Variants in GRIN2B observed in about 807,000 individuals in gnomAD.
GRIN2B encodes glutamate receptor ionotropic, NMDA 2B.
In GRIN2B, 5 loss-of-function variants were observed where a neutral mutation model predicts 114.5. The observed-to-expected ratio is 0.04, with a 90% CI of 0.02 to 0.09. The LOEUF (loss-of-function observed/expected upper bound fraction) is 0.09. Ranked by LOEUF, GRIN2B falls within the 10% of genes least tolerant of loss-of-function variation. The probability of loss-of-function intolerance (pLI) is 1.00; values close to 1 mark genes in which losing one functional copy is unlikely to be tolerated. For missense variants in GRIN2B, 1,108 were observed against 1,943.5 expected, an observed-to-expected ratio of 0.57 and a Z score of 8.08; for synonymous variants, 787 against 745.1, an observed-to-expected ratio of 1.06 and a Z score of -0.92.
chr12:13,620,835 C>A (rs371257845), intron 5 of GRIN2B, among the ~76,000 whole-genome samples: 29 of 150,256 alleles, frequency 1.9e-4, no homozygotes, highest in African/African-American at 6.6e-4. Context: ...TGATTTGTTT[C>A]TACAAAATAC....
chr12:13,796,023 T>C (rs754575343), intron 3 of GRIN2B, among the ~76,000 whole-genome samples: 3 of 148,952 alleles, frequency 2.0e-5, no homozygotes. Flanking sequence ...ACAGCACATA[T>C]ATACATATGT....
chr12:13,917,062 A>C (rs962027002), intron 2 of GRIN2B, among the ~76,000 whole-genome samples: 1 of 152,090 alleles, frequency 6.6e-6, no homozygotes, highest in Non-Finnish European at 1.5e-5. Context: ...GGCATTCCAC[A>C]CTAAGGGGCA....
intron 2 of GRIN2B, among the ~76,000 whole-genome samples, chr12:13,953,631 T>TC (rs1226058485): frequency 1.3e-5 from 2 of 152,016 alleles, no homozygotes; most frequent in Non-Finnish European, 2.9e-5. Context: ...ACAATATATC[T>TC]CCCCCTTTCT....
In GRIN2B at chr12:13,616,636, A is replaced by T. The variant is rs199671864; in HGVS notation, c.1147T>A (p.Ser383Thr). The T allele has an allele frequency of 1.1e-4, 174 of 1,613,728 alleles. No individual in the cohort carries two copies. The highest frequency in any genetic ancestry group is 1.3e-4 in the Non-Finnish European group (153 of 1,179,804). Residue 383 changes from serine (S) to threonine (T), a missense_variant, in exon 6 of 14, where the codon TCC becomes ACC. Around this residue, in one of 19 missense-constraint regions of GRIN2B, gnomAD observed 21 missense variants for 25.4 expected, o/e 0.83. Coordinates refer to ENST00000609686, the MANE Select transcript of GRIN2B (RefSeq NM_000834.5). ...CACACATAGTACTTCATCTGCAGGGACTTGTCTTTCCACTTCCCCACCTGC... is the reference window on the plus strand; with the variant it reads ...CACACATAGTACTTCATCTGCAGGGTCTTGTCTTTCCACTTCCCCACCTGC... ...WERVGKWKDKSLQMKYYVWPR... is the reference protein window; with the variant it reads ...WERVGKWKDKTLQMKYYVWPR...
intron 2 of GRIN2B, among the ~76,000 whole-genome samples, chr12:13,936,587 T>C (rs1179493025): frequency 1.3e-5 from 2 of 152,178 alleles, no homozygotes; most frequent in Non-Finnish European, 2.9e-5. Flanking sequence ...CAAGAATTAA[T>C]ACTTTTCTAA....
intron 3 of GRIN2B, among the ~76,000 whole-genome samples, chr12:13,804,891 G>A (rs1864575461): frequency 6.6e-6 from 1 of 152,088 alleles, no homozygotes; most frequent in Non-Finnish European, 1.5e-5. Flanking sequence ...GCTTGGGTTA[G>A]TGTGCACAGT....
intron 2 of GRIN2B, among the ~76,000 whole-genome samples, chr12:13,902,977 G>A (rs1273481043): frequency 1.3e-5 from 2 of 151,578 alleles, no homozygotes; most frequent in Non-Finnish European, 2.9e-5. Context: ...AATCAATATT[G>A]GTGAGTTATA....
intron 10 of GRIN2B, among the ~76,000 whole-genome samples, chr12:13,581,020 A>T (rs1316436981): frequency 6.6e-6 from 1 of 152,192 alleles, no homozygotes; most frequent in African/African-American, 2.4e-5. Context: ...CTTATTGCTG[A>T]GTAGTATTCC....
At chr12:13,619,965 A>G (rs1949495106) in intron 5 of GRIN2B, among the ~76,000 whole-genome samples, 1 of 152,240 alleles carries the variant, frequency 6.6e-6, no homozygotes, top group Non-Finnish European at 1.5e-5. Flanking sequence ...CTATCCATCG[A>G]CAATAATAGG....
intron 5 of GRIN2B, among the ~76,000 whole-genome samples, chr12:13,628,118 C>T (rs192171494): frequency 6.6e-6 from 1 of 152,316 alleles, no homozygotes; most frequent in East Asian, 1.9e-4. Context: ...CAGTATCAGG[C>T]ATGTCATAAT....
intron 3 of GRIN2B, among the ~76,000 whole-genome samples, chr12:13,828,196 C>T (rs1865084041): frequency 6.6e-6 from 1 of 152,162 alleles, no homozygotes; most frequent in South Asian, 2.1e-4. Flanking sequence ...TAGTTTGTTC[C>T]TCTTTATGGC....
chr12:13,805,470 C>A (rs1396204293), intron 3 of GRIN2B, among the ~76,000 whole-genome samples: 1 of 152,012 alleles, frequency 6.6e-6, no homozygotes, highest in South Asian at 2.1e-4. Flanking sequence ...AACTACAGCA[C>A]AAGAAAAAAA....
chr12:13,860,853 C>T (rs969833721), intron 3 of GRIN2B, among the ~76,000 whole-genome samples: 1 of 152,114 alleles, frequency 6.6e-6, no homozygotes, highest in Admixed American at 6.5e-5. Flanking sequence ...CTTTTGCCTG[C>T]TCCTACTGTA....
chr12:13,547,483 C>T lies in GRIN2B; in HGVS notation c.*15300G>A, dbSNP rs530865215. 4 of 152,202 alleles carry T rather than the reference C, an allele frequency of 2.6e-5. No homozygotes were observed. The highest frequency in any genetic ancestry group is 5.9e-5 in the Non-Finnish European group (4 of 68,008). 9.4% of individuals were successfully genotyped at this position (152,202 alleles called of 1,614,324 possible). A position where few individuals can be genotyped will look rare whatever the true frequency, so the allele number is the denominator to read the frequency against. On this transcript the variant is annotated 3_prime_UTR_variant, in exon 14 of 14. Coordinates refer to ENST00000609686, the MANE Select transcript of GRIN2B (RefSeq NM_000834.5). ...GATTAAATGAAATCTGCTGATTCTA[C>T]TCTTTTTTCATGAATTTCTGTATGA...
chr12:13,661,320 A>T (rs1591663788), intron 5 of GRIN2B, among the ~76,000 whole-genome samples: 1 of 152,202 alleles, frequency 6.6e-6, no homozygotes, highest in South Asian at 2.1e-4. Context: ...TTAAAAGTCG[A>T]TATTTCTGTA....
chr12:13,970,760 G>A (rs2136871284), intron 2 of GRIN2B, among the ~76,000 whole-genome samples: 1 of 150,342 alleles, frequency 6.7e-6, no homozygotes, highest in Non-Finnish European at 1.5e-5. Flanking sequence ...CCAAAGGGTA[G>A]CATTCTCCTA....
intron 2 of GRIN2B, among the ~76,000 whole-genome samples, chr12:13,871,178 C>T (rs548353188): frequency 1.3e-5 from 2 of 151,718 alleles, no homozygotes; most frequent in East Asian, 1.9e-4. Context: ...GTTATAAGTT[C>T]GAACTAGTTC....
chr12:13,842,299 C>A (rs73055672), intron 3 of GRIN2B, among the ~76,000 whole-genome samples: 9,675 of 152,272 alleles, frequency 0.064, 428 homozygotes, highest in Middle Eastern at 0.13. Context: ...TAACCACCTA[C>A]CAGGTGTCAA....
intron 4 of GRIN2B, among the ~76,000 whole-genome samples, chr12:13,686,372 C>T (rs1158209608): frequency 1.4e-4 from 22 of 152,078 alleles, no homozygotes; most frequent in Admixed American, 1.4e-3. Context: ...ACCCCAATTG[C>T]ATCTTCACTG....
Sources: allele counts gnomAD v4.1 joint callset (sites outside exome capture counted in the v4.1 genomes callset), GRCh38; gene constraint gnomAD v4.1.1; regional missense constraint gnomAD v4.1.1; transcripts MANE v1.5; gene names NCBI Gene and HGNC (gene_info 2026-07-23, HGNC 2026-07-21).